EIF2AK4: variants seen among roughly 807,000 people sequenced by gnomAD.
The protein encoded by EIF2AK4 is eukaryotic translation initiation factor 2 alpha kinase 4.
A neutral mutation model predicts 211.1 loss-of-function variants in EIF2AK4; 139 were observed. That is an observed-to-expected ratio of 0.66 (90% CI 0.57 to 0.76). The LOEUF (loss-of-function observed/expected upper bound fraction) is 0.76. Among genes scored for constraint, EIF2AK4 ranks in the 30% least tolerant of loss-of-function variants. The pLI is 0.00. For missense variants in EIF2AK4, 1,664 were observed against 2,043.8 expected (o/e 0.81, Z 3.58); for synonymous variants, 710 against 751.3 (o/e 0.94, Z 0.90).
chr15:39,975,621 G>A lies in EIF2AK4; in HGVS notation c.1819-793G>A, dbSNP rs567665961. On this transcript the variant is annotated intron_variant, in intron 11 of 38. Transcript: ENST00000263791. ...ACATAGTGAAACTGCCTGGCATAAG[G>A]ATGCCTCTATGTAGGATGGGAGGAC... Among the ~76,000 whole-genome samples, 3 of 152,322 alleles carry A rather than the reference G, an allele frequency of 2.0e-5. No homozygotes were observed. The South Asian group carries it at 6.2e-4, about 32-fold the overall frequency.
intron 4 of EIF2AK4, among the ~76,000 whole-genome samples, chr15:39,951,867 C>A (rs1222102114): frequency 2.0e-5 from 3 of 152,220 alleles, no homozygotes; most frequent in Non-Finnish European, 4.4e-5. Flanking sequence ...ATAGGTGGTG[C>A]AGCGGCGGCT....
At chr15:39,938,794 A>G (rs1467365472) in intron 1 of EIF2AK4, among the ~76,000 whole-genome samples, 1 of 152,198 alleles carries the variant, frequency 6.6e-6, no homozygotes, top group African/African-American at 2.4e-5. Flanking sequence ...AAAGTTGGTA[A>G]GGTGCCTGGA....
intron 6 of EIF2AK4, among the ~76,000 whole-genome samples, chr15:39,960,080 T>C (rs938294166): frequency 6.8e-6 from 1 of 147,638 alleles, no homozygotes. Flanking sequence ...AGGAGAATGG[T>C]GTGAACCCGG....
chr15:39,956,004 CTTTTTTTT>C (rs11320320), intron 6 of EIF2AK4, among the ~76,000 whole-genome samples: 2 of 103,526 alleles, frequency 1.9e-5, no homozygotes, highest in Non-Finnish European at 3.7e-5. Context: ...TGCTCATTCC[CTTTTTTTT>C]TTTTTTTTTT....
intron 36 of EIF2AK4, 138 bp downstream of exon 36, chr15:40,032,375 T>A: frequency 1.5e-6 from 1 of 686,602 alleles, no homozygotes; most frequent in Non-Finnish European, 2.5e-6. Context: ...CTACACGCAA[T>A]TTAAAACTAT....
intron 29 of EIF2AK4, among the ~76,000 whole-genome samples, chr15:40,017,496 T>C (rs1293277554): frequency 8.4e-6 from 1 of 119,000 alleles, no homozygotes; most frequent in African/African-American, 3.4e-5. Flanking sequence ...CCCTTTACTC[T>C]GTTTCTATAT....
chr15:40,026,804 G>C (rs1018887113), intron 33 of EIF2AK4, among the ~76,000 whole-genome samples: 1 of 152,030 alleles, frequency 6.6e-6, no homozygotes, highest in African/African-American at 2.4e-5. Flanking sequence ...CAACCATATG[G>C]GTAGGAATTT....
At chr15:39,950,272 T>A (rs1374693002) in intron 4 of EIF2AK4, among the ~76,000 whole-genome samples, 1 of 152,164 alleles carries the variant, frequency 6.6e-6, no homozygotes, top group Non-Finnish European at 1.5e-5. Flanking sequence ...ATTAAAAACA[T>A]GTACTTGCAT....
At chr15:40,032,380 A>G (rs1026828739) in intron 36 of EIF2AK4, 143 bp downstream of exon 36, 33 of 661,194 alleles carry the variant, frequency 5.0e-5, no homozygotes, top group Non-Finnish European at 3.7e-5. Flanking sequence ...CGCAATTTAA[A>G]ACTATTAAGA....
chr15:39,969,356 CTTT>C (rs10550245), intron 9 of EIF2AK4, among the ~76,000 whole-genome samples: 19 of 101,268 alleles, frequency 1.9e-4, no homozygotes, highest in South Asian at 6.7e-4. Context: ...ATTTCTTATT[CTTT>C]TTTTTTTTTT....
At chr15:39,995,623 T>C (rs1394984823) in intron 18 of EIF2AK4, among the ~76,000 whole-genome samples, 5 of 152,146 alleles carry the variant, frequency 3.3e-5, no homozygotes, top group Non-Finnish European at 7.4e-5. Context: ...AATTATTTAA[T>C]AGTTATCTTG....
chr15:39,992,940 T>A, intron 18 of EIF2AK4, 92 bp downstream of exon 18: 1 of 1,233,316 alleles, frequency 8.1e-7, no homozygotes, highest in Non-Finnish European at 1.2e-6. Context: ...GCTAAAATAG[T>A]CAAGACATCC....
At chr15:39,973,116 ATG>A in intron 10 of EIF2AK4, 102 bp downstream of exon 10, 1 of 939,900 alleles carries the variant, frequency 1.1e-6, no homozygotes, top group South Asian at 1.4e-5. Flanking sequence ...GTGTTATTTT[ATG>A]TCTTTTATTC....
intron 6 of EIF2AK4, among the ~76,000 whole-genome samples, chr15:39,961,581 G>A (rs1252578208): frequency 6.6e-6 from 1 of 152,188 alleles, no homozygotes; most frequent in Non-Finnish European, 1.5e-5. Flanking sequence ...AGTGGGGGAA[G>A]TGAATGGCTT....
chr15:39,961,605 G>A (rs1056277209), intron 6 of EIF2AK4, among the ~76,000 whole-genome samples, 179 bp from the exon 7 acceptor site: 1 of 152,128 alleles, frequency 6.6e-6, no homozygotes, highest in Admixed American at 6.5e-5. Flanking sequence ...CATTAGCACC[G>A]CCTACTCAAT....
intron 13 of EIF2AK4, among the ~76,000 whole-genome samples, chr15:39,983,621 T>G (rs768553544): frequency 3.3e-5 from 5 of 152,214 alleles, no homozygotes; most frequent in Non-Finnish European, 5.9e-5. Flanking sequence ...TTTGTATTTT[T>G]GGTAGAGAAG....
At chr15:40,031,670 T>A (rs536007119) in intron 35 of EIF2AK4, among the ~76,000 whole-genome samples, 1 of 152,256 alleles carries the variant, frequency 6.6e-6, no homozygotes, top group African/African-American at 2.4e-5. Context: ...TATAAAAACC[T>A]CATTTCCCCT....
intron 9 of EIF2AK4, among the ~76,000 whole-genome samples, chr15:39,972,115 T>A (rs553881675): frequency 1.1e-4 from 16 of 151,958 alleles, no homozygotes; most frequent in Non-Finnish European, 1.6e-4. Flanking sequence ...TCCCAGCACT[T>A]TGGGAGGCCG....
intron 23 of EIF2AK4, among the ~76,000 whole-genome samples, chr15:40,004,580 G>A (rs903672400): frequency 2.0e-5 from 3 of 152,088 alleles, no homozygotes; most frequent in South Asian, 2.1e-4. Context: ...GTGGTGGCTC[G>A]TGCCTGTGGT....
Sources: allele counts gnomAD v4.1 joint callset (sites outside exome capture counted in the v4.1 genomes callset), GRCh38; gene constraint gnomAD v4.1.1; transcripts MANE v1.5; gene names NCBI Gene and HGNC (gene_info 2026-07-23, HGNC 2026-07-21).